The following ADGB variants were observed in gnomAD, a reference collection of about 807,000 sequenced individuals.
The protein encoded by ADGB is calpain-7-like protein.
Under a neutral mutation model 210.5 loss-of-function variants are expected in ADGB, and 172 were observed. The ratio of observed to expected loss-of-function variants is 0.82; its 90% CI spans 0.72 to 0.93. The LOEUF is 0.93. Ranked by LOEUF, ADGB falls within the 40% of genes least tolerant of loss-of-function variation. The probability of loss-of-function intolerance (pLI) is 0.00; values close to 1 mark genes in which losing one functional copy is unlikely to be tolerated. For synonymous variants in ADGB, 658 were observed against 662.7 expected, an observed-to-expected ratio of 0.99 and a Z score of 0.11; for missense variants, 2,025 against 1,964.8, an observed-to-expected ratio of 1.03 and a Z score of -0.58.
intron 29 of ADGB, among the ~76,000 whole-genome samples, chr6:146,770,871 C>T (rs150026773): frequency 6.6e-6 from 1 of 152,018 alleles, no homozygotes; most frequent in African/African-American, 2.4e-5. Flanking sequence ...TAGTGTTATA[C>T]ATAAAAACAC....
chr6:146,786,807 AT>A (rs797017078), intron 32 of ADGB, among the ~76,000 whole-genome samples: 275 of 152,014 alleles, frequency 1.8e-3, no homozygotes, highest in African/African-American at 5.9e-3. Context: ...TAGATTTATT[AT>A]TTTTTTTATA....
Position 146,769,229 on chromosome 6 carries a change from G to A in ADGB, c.3862+98G>A, listed in dbSNP as rs1024172816. 4 of 599,486 alleles carry A rather than the reference G, an allele frequency of 6.7e-6. No individual in the cohort carries two copies. The Admixed American group carries it at 1.1e-4, about 16-fold the overall frequency. 37.1% of individuals were successfully genotyped at this position (599,486 alleles called of 1,614,324 possible). ...TTGATTTAGTCATGAAAATATCATT[G>A]TATGATGTTTTATTACACATTATAA... is the stretch of plus-strand genomic sequence containing the variant. On this transcript the variant is annotated intron_variant, in intron 29 of 35. Coordinates refer to ENST00000397944, the MANE Select transcript of ADGB (RefSeq NM_024694.4).
chr6:146,644,657 G>A (rs1441233934), intron 2 of ADGB, 116 bp from the exon 3 acceptor site: 1 of 558,290 alleles, frequency 1.8e-6, no homozygotes, highest in Non-Finnish European at 3.0e-6. Flanking sequence ...AACACAAACT[G>A]CTTTGTAAAG....
intron 12 of ADGB, among the ~76,000 whole-genome samples, chr6:146,697,597 C>G (rs1224800723): frequency 1.3e-5 from 2 of 151,864 alleles, no homozygotes; most frequent in Non-Finnish European, 2.9e-5. Context: ...AAGATAATAT[C>G]CAGACTAAAG....
chr6:146,788,510 A>C lies in ADGB; in HGVS notation c.4437A>C (p.Lys1479Asn). The change falls in exon 33 of 36, where the codon AAA becomes AAC. Residue 1479 changes from lysine to asparagine, a missense_variant. Lys to Asn is a moderately conservative substitution (Grantham distance 94, BLOSUM62 0). Transcript: ENST00000397944. The part of the protein sequence containing the change: ...SAVWKKWQLT[K>N]GLRDVAKSTS... ...TGTGGAAGAAGTGGCAATTGACCAA[A>C]GGCTTGAGGGATGTGGCAAAATCCA... 2 of 1,551,654 alleles carry C rather than the reference A, an allele frequency of 1.3e-6. No homozygotes were observed. Among genetic ancestry groups the C allele is most frequent in the South Asian group, 1.2e-5 (1 of 84,064 alleles).
At chr6:146,690,618 T>C (rs1469590282) in intron 10 of ADGB, among the ~76,000 whole-genome samples, 1 of 152,188 alleles carries the variant, frequency 6.6e-6, no homozygotes, top group East Asian at 1.9e-4. Context: ...TCATGTGTAA[T>C]CATGGGGATC....
rs539113474 is a variant in ADGB, at chr6:146,661,224, T to TC, written c.613-2977_613-2976insC. 1.5e-3 allele frequency among the ~76,000 whole-genome samples: 203 copies of TC among 137,786 alleles called. 3 individuals are homozygous for TC. In the South Asian group the frequency reaches 0.032, roughly 22 times the overall value. The allele number at this position is 137,786 out of a possible 152,430, so 90.4% of individuals were successfully genotyped here. A position where few individuals can be genotyped will look rare whatever the true frequency, so the allele number is the denominator to read the frequency against. ...TTTACTTTTTTTTCTTTTTTTCTTT[T>TC]TTTTTTTTTTTTTGGAGATAGGGTC... On this transcript the variant is annotated intron_variant, in intron 5 of 35. Transcript: ENST00000397944.
intron 35 of ADGB, among the ~76,000 whole-genome samples, chr6:146,807,167 T>A (rs1778224105): frequency 6.6e-6 from 1 of 152,202 alleles, no homozygotes; most frequent in African/African-American, 2.4e-5. Flanking sequence ...GTTTTGACTA[T>A]TTTTTCTACA....
intron 6 of ADGB, among the ~76,000 whole-genome samples, chr6:146,665,099 C>A (rs1187081343): frequency 6.6e-6 from 1 of 152,058 alleles, no homozygotes; most frequent in African/African-American, 2.4e-5. Flanking sequence ...TATACACGTC[C>A]ACCTCCTGCA....
intron 24 of ADGB, 62 bp downstream of exon 24, chr6:146,740,655 A>C: frequency 6.7e-7 from 1 of 1,482,166 alleles, no homozygotes; most frequent in South Asian, 1.3e-5. Flanking sequence ...GTATTTATGA[A>C]TATTTCTGAT....
chr6:146,646,890 A>C (rs1248965644), intron 3 of ADGB, among the ~76,000 whole-genome samples: 1 of 151,906 alleles, frequency 6.6e-6, no homozygotes, highest in Non-Finnish European at 1.5e-5. Flanking sequence ...GGAGTTTGAG[A>C]CCAGCCTGGC....
intron 1 of ADGB, among the ~76,000 whole-genome samples, chr6:146,632,795 A>G (rs1428109469): frequency 6.6e-6 from 1 of 152,142 alleles, no homozygotes; most frequent in South Asian, 2.1e-4. Context: ...CCTGCTACAT[A>G]AAATACGGAA....
At chr6:146,666,146 G>A (rs1046901359) in intron 6 of ADGB, among the ~76,000 whole-genome samples, 20 of 152,136 alleles carry the variant, frequency 1.3e-4, no homozygotes, top group African/African-American at 2.9e-4. Flanking sequence ...TACCACTGAC[G>A]GATAGTCAGC....
intron 29 of ADGB, among the ~76,000 whole-genome samples, chr6:146,777,436 C>T (rs1207931799): frequency 6.6e-6 from 1 of 152,064 alleles, no homozygotes; most frequent in Non-Finnish European, 1.5e-5. Flanking sequence ...GCATAAAGCT[C>T]ATGTCCTTCA....
At chr6:146,611,387 C>A (rs1020152147) in intron 1 of ADGB, among the ~76,000 whole-genome samples, 2 of 152,234 alleles carry the variant, frequency 1.3e-5, no homozygotes, top group East Asian at 3.9e-4. Context: ...CTGGGCTCCA[C>A]TGCAGCCATT....
At chr6:146,781,171 C>CA (rs71031009) in intron 29 of ADGB, among the ~76,000 whole-genome samples, 25,291 of 90,798 alleles carry the variant, frequency 0.28, 3,288 homozygotes, top group Middle Eastern at 0.34. Context: ...ACTAAAAATA[C>CA]AAAAAAAAAA....
intron 12 of ADGB, among the ~76,000 whole-genome samples, chr6:146,697,924 T>C (rs973304494): frequency 1.3e-5 from 2 of 152,152 alleles, no homozygotes; most frequent in African/African-American, 4.8e-5. Flanking sequence ...TACAAAGCAA[T>C]ATGGACAAAT....
At chr6:146,716,789 G>C in intron 14 of ADGB, 94 bp from the exon 15 acceptor site, 2 of 1,212,254 alleles carry the variant, frequency 1.6e-6, no homozygotes, top group South Asian at 1.7e-5. Flanking sequence ...CCCAAAAATA[G>C]ACTTTGATAT....
intron 10 of ADGB, among the ~76,000 whole-genome samples, chr6:146,686,196 A>G (rs1056385119): frequency 6.6e-6 from 1 of 152,108 alleles, no homozygotes; most frequent in Non-Finnish European, 1.5e-5. Flanking sequence ...TAAATAGGCC[A>G]CATGCGTTTT....
Sources: allele counts gnomAD v4.1 joint callset (sites outside exome capture counted in the v4.1 genomes callset), GRCh38; gene constraint gnomAD v4.1.1; transcripts MANE v1.5; gene names NCBI Gene and HGNC (gene_info 2026-07-23, HGNC 2026-07-21).